PKHD1: variants seen among roughly 807,000 people sequenced by gnomAD.
PKHD1 encodes the protein PKHD1 ciliary IPT domain containing fibrocystin/polyductin.
A neutral mutation model predicts 412.0 loss-of-function variants in PKHD1; 291 were observed. The ratio of observed to expected loss-of-function variants is 0.71; its 90% CI spans 0.64 to 0.78. The LOEUF (loss-of-function observed/expected upper bound fraction) is 0.78, where lower values mean the gene tolerates loss of function less well. Ranked by LOEUF, PKHD1 falls within the 30% of genes least tolerant of loss-of-function variation. The pLI is 0.00. For synonymous variants in PKHD1, 1,777 were observed against 1,821.5 expected (o/e 0.98, Z 0.62); for missense variants, 4,825 against 4,950.7 (o/e 0.97, Z 0.76).
At position 51,626,943 on chromosome 6, in the gene PKHD1, G is replaced by C; in HGVS notation, c.11785+54C>G. 6 of 1,599,028 alleles carry C rather than the reference G, an allele frequency of 3.8e-6. No individual in the cohort carries two copies. In the South Asian group the frequency reaches 5.5e-5, roughly 15 times the overall value. The stretch of plus-strand genomic sequence containing the variant: ...CAGAGCTGAAGGAGAGGGAGGCTCA[G>C]ACCATCCACAGTGGGTCTCTCCTGT... On this transcript the variant is annotated intron_variant, in intron 66 of 66. Coordinates refer to ENST00000371117, the MANE Select transcript of PKHD1 (RefSeq NM_138694.4).
intron 11 of PKHD1, among the ~76,000 whole-genome samples, chr6:52,068,551 T>C (rs1329891162): frequency 3.3e-5 from 5 of 152,242 alleles, no homozygotes; most frequent in Non-Finnish European, 5.9e-5. Flanking sequence ...TTGGACAAGA[T>C]ACTTTGTTTA....
At chr6:52,086,906 G>C (rs1812873403) in intron 1 of PKHD1, among the ~76,000 whole-genome samples, 1 of 152,196 alleles carries the variant, frequency 6.6e-6, no homozygotes, top group Non-Finnish European at 1.5e-5. Flanking sequence ...CCAAAAGCAT[G>C]AGATCTGACT....
rs1217433530 is a variant in PKHD1 at position 51,936,434 on chromosome 6, T to C, written c.5909-2112A>G. ...TAGTGGAGGGCAAAGACTCTTCATC[T>C]GCTAATGTAGTCATAAATCCAGAGT... On this transcript the variant is annotated intron_variant, in intron 36 of 66. Coordinates refer to ENST00000371117, the MANE Select transcript of PKHD1 (RefSeq NM_138694.4). Among the ~76,000 whole-genome samples, 5 of 152,192 alleles carry C rather than the reference T, an allele frequency of 3.3e-5. 1 individual carries two copies. The highest frequency in any genetic ancestry group is 3.3e-4 in the Admixed American group (5 of 15,282).
Position 51,619,292 on chromosome 6 carries a change from T to C in PKHD1, c.12014A>G (p.Gln4005Arg), listed in dbSNP as rs750272645. 6.2e-7 allele frequency: 1 copy of C among 1,614,266 alleles called. No homozygotes were observed. Among genetic ancestry groups the C allele is most frequent in the Admixed American group, 1.7e-5 (1 of 60,036 alleles). Residue 4005 changes from glutamine to arginine, a missense_variant, in exon 67 of 67, where the codon CAG becomes CGG. Gln to Arg is a conservative substitution (Grantham distance 43). Coordinates refer to ENST00000371117, the MANE Select transcript of PKHD1 (RefSeq NM_138694.4). ...GCCTGCCAGCTGGTATCTGAGCAAC[T>C]GCTCTTGGCCCTCCTTCCAGTTCCC... is the stretch of plus-strand genomic sequence containing the variant. ...ETGNWKEGQE[Q>R]LLRYQLAGQN...
chr6:52,051,723 T>C (rs1449375346), intron 21 of PKHD1, among the ~76,000 whole-genome samples: 1 of 152,174 alleles, frequency 6.6e-6, no homozygotes, highest in East Asian at 1.9e-4. Context: ...ACAGCACCTA[T>C]TATCCAGTCC....
At chr6:51,788,172 G>T (rs1793179486) in intron 53 of PKHD1, among the ~76,000 whole-genome samples, 1 of 152,144 alleles carries the variant, frequency 6.6e-6, no homozygotes, top group Non-Finnish European at 1.5e-5. Flanking sequence ...TGTATTTGTG[G>T]CAGCACAAAT....
chr6:51,730,228 T>C (rs889499636), intron 60 of PKHD1, among the ~76,000 whole-genome samples: 2 of 152,194 alleles, frequency 1.3e-5, no homozygotes, highest in African/African-American at 2.4e-5. Context: ...AATTCTTTTA[T>C]ATTCAAATTT....
Position 51,909,366 on chromosome 6 carries a change from T to C in PKHD1, c.6599A>G (p.Gln2200Arg). Reference protein sequence around the residue: ...QSFPEEPSQVQLKGVQFQVLG... With the variant: ...QSFPEEPSQVRLKGVQFQVLG... The stretch of plus-strand genomic sequence containing the variant: ...GACTTGAAACTGCACTCCCTTCAAC[T>C]GGACCTGGCTGGGCTCTTCTGGGAA... The change falls in exon 40 of 67, where the codon CAG becomes CGG. Residue 2200 changes from glutamine to arginine, a missense_variant. Physicochemically the swap from Gln to Arg is conservative, Grantham distance 43 (BLOSUM62 1). Transcript: ENST00000371117. The C allele has an allele frequency of 6.2e-7, 1 of 1,613,536 alleles. No individual in the cohort carries two copies. Among genetic ancestry groups the C allele is most frequent in the Admixed American group, 1.7e-5 (1 of 59,962 alleles).
intron 49 of PKHD1, among the ~76,000 whole-genome samples, chr6:51,848,205 T>C (rs1771557586): frequency 6.6e-6 from 1 of 152,208 alleles, no homozygotes; most frequent in African/African-American, 2.4e-5. Context: ...GACTGAAAGA[T>C]GCCATAAGGT....
At chr6:51,898,192 T>C (rs563589783) in intron 43 of PKHD1, among the ~76,000 whole-genome samples, 39 of 152,116 alleles carry the variant, frequency 2.6e-4, no homozygotes, top group African/African-American at 8.0e-4. Flanking sequence ...ACTCTCCACC[T>C]CAAATCAACA....
intron 27 of PKHD1, among the ~76,000 whole-genome samples, chr6:52,036,427 C>G (rs984927185): frequency 6.6e-6 from 1 of 152,224 alleles, no homozygotes; most frequent in African/African-American, 2.4e-5. Context: ...TCATGGCACA[C>G]GTTTCCATGT....
chr6:52,041,867 G>T (rs1372812512), intron 27 of PKHD1, among the ~76,000 whole-genome samples: 2 of 152,146 alleles, frequency 1.3e-5, no homozygotes, highest in Non-Finnish European at 2.9e-5. Context: ...ACCTACCTGT[G>T]CAAAGCACTT....
intron 55 of PKHD1, among the ~76,000 whole-genome samples, chr6:51,770,994 T>C (rs921021951): frequency 6.6e-6 from 1 of 152,082 alleles, no homozygotes; most frequent in Non-Finnish European, 1.5e-5. Flanking sequence ...TGAGATTTCT[T>C]TGGGGAAGAA....
rs1766278859 is a variant in PKHD1 at position 51,619,018 on chromosome 6, CT to C, written c.*62del. The C allele has an allele frequency of 1.3e-5, 19 of 1,463,920 alleles. No individual in the cohort carries two copies. The highest frequency in any genetic ancestry group is 1.7e-5 in the Non-Finnish European group (18 of 1,044,858). The allele number at this position is 1,463,920 out of a possible 1,614,324, so 90.7% of individuals were successfully genotyped here. ...AGCAGGACAGTCCTCACTTCCCCAG[CT>C]TATTATCCAGAAATACTGGGAACAT... On this transcript the variant is annotated 3_prime_UTR_variant, in exon 67 of 67. Transcript: ENST00000371117.
intron 54 of PKHD1, among the ~76,000 whole-genome samples, chr6:51,775,600 G>A (rs548219963): frequency 6.6e-5 from 10 of 151,838 alleles, no homozygotes; most frequent in East Asian, 1.9e-4. Flanking sequence ...TCTGCATGTC[G>A]TTCATCATCT....
At chr6:51,710,589 G>A (rs1780540348) in intron 60 of PKHD1, among the ~76,000 whole-genome samples, 1 of 151,876 alleles carries the variant, frequency 6.6e-6, no homozygotes, top group Non-Finnish European at 1.5e-5. Context: ...TCTAAATAGT[G>A]TTTTGCCACC....
intron 43 of PKHD1, 70 bp downstream of exon 43, chr6:51,903,527 A>T: frequency 7.1e-7 from 1 of 1,400,514 alleles, no homozygotes; most frequent in South Asian, 1.2e-5. Flanking sequence ...AAAAGGTTGG[A>T]CACCCCTGAT....
intron 51 of PKHD1, among the ~76,000 whole-genome samples, chr6:51,832,738 T>C (rs1768483347): frequency 1.3e-5 from 2 of 152,034 alleles, no homozygotes; most frequent in African/African-American, 2.4e-5. Context: ...GATTTCAAGG[T>C]GACAAGGGAA....
chr6:51,982,646 T>C (rs1315143597), intron 35 of PKHD1, among the ~76,000 whole-genome samples: 3 of 147,894 alleles, frequency 2.0e-5, no homozygotes, highest in Non-Finnish European at 4.5e-5. Flanking sequence ...CTCCCTAATC[T>C]TAAGTACCCA....
Sources: gnomAD v4.1 joint callset for allele counts (sites outside exome capture counted in the v4.1 genomes callset) on GRCh38, gnomAD v4.1.1 for gene constraint, MANE v1.5 for transcripts, NCBI Gene and HGNC (gene_info 2026-07-23, HGNC 2026-07-21) for gene names.